The following ZNF362 variants were observed in gnomAD, a reference collection of about 807,000 sequenced individuals.
The protein encoded by ZNF362 is rotund homolog.
ZNF362 carries 11 observed loss-of-function variants against 42.9 expected under a neutral mutation model. That is an observed-to-expected ratio of 0.26 (90% CI 0.16 to 0.42). ZNF362 has a LOEUF of 0.42. Ranked by LOEUF, ZNF362 falls within the 20% of genes least tolerant of loss-of-function variation. ZNF362 has a pLI of 1.00. For missense variants in ZNF362, 362 were observed against 576.2 expected, an observed-to-expected ratio of 0.63 and a Z score of 3.81; for synonymous variants, 255 against 257.3, an observed-to-expected ratio of 0.99 and a Z score of 0.09.
the ZNF362 span, among the ~76,000 whole-genome samples, chr1:33,145,016 T>G: frequency 1.6e-3 from 242 of 152,322 alleles, 1 homozygote; most frequent in African/African-American, 5.7e-3. Context: ...GGTGGTCATT[T>G]TTCTAAAGTC....
the ZNF362 span, among the ~76,000 whole-genome samples, chr1:33,180,164 G>C: frequency 6.6e-6 from 1 of 152,066 alleles, no homozygotes; most frequent in Non-Finnish European, 1.5e-5. Flanking sequence ...TGCATGTACC[G>C]TTTCACTTAG....
the ZNF362 span, chr1:33,147,843 G>T: frequency 8.7e-7 from 1 of 1,153,410 alleles, no homozygotes; most frequent in Non-Finnish European, 1.2e-6. This position sits in a 1 kb window ranked among gnomAD's most constrained non-coding sequence, Gnocchi z 8.1. Flanking sequence ...CTGACCTGCT[G>T]TGTGACCTTG....
chr1:33,207,958 T>G, the ZNF362 span, among the ~76,000 whole-genome samples: 110,284 of 152,094 alleles, frequency 0.73, 40,244 homozygotes, highest in Non-Finnish European at 0.76. Context: ...TAACTAGTCC[T>G]CATTTGTCTA....
At chr1:33,296,359 C>G (rs1646124508) in intron 8 of ZNF362, among the ~76,000 whole-genome samples, 1 of 152,112 alleles carries the variant, frequency 6.6e-6, no homozygotes, top group South Asian at 2.1e-4. Context: ...GTCCTGCATT[C>G]TGGAGTCCTG....
the ZNF362 span, among the ~76,000 whole-genome samples, chr1:33,183,059 C>T: frequency 6.6e-6 from 1 of 152,162 alleles, no homozygotes; most frequent in South Asian, 2.1e-4. Flanking sequence ...CATCAACGCC[C>T]TGGGTTGCAG....
chr1:33,212,638 C>A, the ZNF362 span, among the ~76,000 whole-genome samples: 1 of 152,060 alleles, frequency 6.6e-6, no homozygotes, highest in Admixed American at 6.6e-5. Flanking sequence ...ATGGCAAGAG[C>A]AGGAGTAAGA....
At chr1:33,199,642 T>G in the ZNF362 span, 1 of 152,234 alleles carries the variant, frequency 6.6e-6, no homozygotes. Flanking sequence ...TTTTAAAAAT[T>G]ATTTAAATCC....
chr1:33,146,908 C>G, the ZNF362 span: 1 of 486,922 alleles, frequency 2.1e-6, no homozygotes, highest in Non-Finnish European at 3.7e-6. Flanking sequence ...GAGGGTTGGG[C>G]AGGGGTTGCC....
the ZNF362 span, among the ~76,000 whole-genome samples, chr1:33,199,561 T>C: frequency 6.6e-6 from 1 of 152,036 alleles, no homozygotes; most frequent in African/African-American, 2.4e-5. Context: ...TGATACAAGA[T>C]GGAAATCTGG....
chr1:33,262,495 G>C (rs940718183), intron 1 of ZNF362, among the ~76,000 whole-genome samples: 2 of 151,856 alleles, frequency 1.3e-5, no homozygotes, highest in African/African-American at 4.8e-5. Flanking sequence ...TTTTAGTAGA[G>C]ATGGGGTTTC....
chr1:33,294,888 C>G lies in ZNF362; in HGVS notation c.909-49C>G, dbSNP rs1490563315. On this transcript the variant is annotated intron_variant, in intron 6 of 8. Coordinates refer to ENST00000539719, the MANE Select transcript of ZNF362 (RefSeq NM_152493.3). The surrounding 1 kb of genome is among the most constrained non-coding windows in gnomAD (Gnocchi z 4.2). Reference sequence around the variant, plus strand: ...GTAAGGACTTGGGAACTGGAGCGGTCTTGGGGTGTGTGTCAGGGACTTCGA... The same window carrying G: ...GTAAGGACTTGGGAACTGGAGCGGTGTTGGGGTGTGTGTCAGGGACTTCGA... 1 of 1,607,638 alleles carries G rather than the reference C, an allele frequency of 6.2e-7. No individual in the cohort carries two copies.
chr1:33,289,857 G>T (rs1439235542), intron 6 of ZNF362, among the ~76,000 whole-genome samples: 1 of 152,162 alleles, frequency 6.6e-6, no homozygotes, highest in African/African-American at 2.4e-5. Context: ...CTGGGAAGCC[G>T]ATGTCTTTGT....
At chr1:33,234,977 G>T in the ZNF362 span, among the ~76,000 whole-genome samples, 1 of 152,120 alleles carries the variant, frequency 6.6e-6, no homozygotes, top group African/African-American at 2.4e-5. Flanking sequence ...AGCTGAGGTC[G>T]ATCATTGGGC....
the ZNF362 span, among the ~76,000 whole-genome samples, chr1:33,192,651 G>A: frequency 1.3e-5 from 2 of 152,110 alleles, no homozygotes. Context: ...GAAGGGTAAG[G>A]GAACCAGGGT....
upstream of ZNF362, among the ~76,000 whole-genome samples, chr1:33,255,432 G>A (rs1645780163): frequency 2.0e-5 from 3 of 151,900 alleles, no homozygotes; most frequent in South Asian, 6.2e-4. Flanking sequence ...CCCAGCGGTC[G>A]GGGGGTGGTG....
At chr1:33,205,882 C>T in the ZNF362 span, among the ~76,000 whole-genome samples, 1 of 151,766 alleles carries the variant, frequency 6.6e-6, no homozygotes, top group Non-Finnish European at 1.5e-5. Flanking sequence ...CACCACTGCA[C>T]TCCATACTGG....
At chr1:33,268,983 G>T (rs1645882780) in intron 1 of ZNF362, among the ~76,000 whole-genome samples, 1 of 152,174 alleles carries the variant, frequency 6.6e-6, no homozygotes, top group African/African-American at 2.4e-5. Context: ...AGCTGAAGGG[G>T]GCCTGGATCA....
chr1:33,248,190 G>A, the ZNF362 span, among the ~76,000 whole-genome samples: 1 of 152,228 alleles, frequency 6.6e-6, no homozygotes. Context: ...CCATTTCAAA[G>A]TTGAAGAAAT....
chr1:33,250,306 G>A, the ZNF362 span, among the ~76,000 whole-genome samples: 1 of 152,164 alleles, frequency 6.6e-6, no homozygotes, highest in Non-Finnish European at 1.5e-5. Context: ...GAAAGTGCAT[G>A]TGTTCAGTAG....
Sources: gnomAD v4.1 joint callset for allele counts (sites outside exome capture counted in the v4.1 genomes callset) on GRCh38, gnomAD v4.1.1 for gene constraint, Gnocchi (gnomAD v3.1) non-coding constraint, MANE v1.5 for transcripts, NCBI Gene and HGNC (gene_info 2026-07-23, HGNC 2026-07-21) for gene names.